Variants in DYRK1A observed in about 807,000 individuals in gnomAD.
The protein encoded by DYRK1A is dual specificity tyrosine phosphorylation regulated kinase 1A, also known as dual specificity tyrosine-phosphorylation-regulated kinase 1A.
In DYRK1A, 9 loss-of-function variants were observed where a neutral mutation model predicts 79.7. That is an observed-to-expected ratio of 0.11 (90% CI 0.07 to 0.20). DYRK1A has a LOEUF of 0.20. Ranked by LOEUF, DYRK1A falls within the 10% of genes least tolerant of loss-of-function variation. DYRK1A has a pLI of 1.00. For missense variants in DYRK1A, 622 were observed against 956.0 expected (o/e 0.65, Z 4.61); for synonymous variants, 349 against 329.7 (o/e 1.06, Z -0.63).
intron 1 of DYRK1A, among the ~76,000 whole-genome samples, chr21:37,417,529 CTTTTTTTTTTT>C (rs3216074): frequency 0.17 from 7,743 of 44,360 alleles, 517 homozygotes; most frequent in Non-Finnish European, 0.22. Flanking sequence ...TTTTCTTTTT[CTTTTTTTTTTT>C]TTTTTTTTTT....
intron 1 of DYRK1A, among the ~76,000 whole-genome samples, chr21:37,386,273 C>T (rs777815692): frequency 4.6e-5 from 7 of 152,114 alleles, no homozygotes; most frequent in Non-Finnish European, 1.0e-4. Context: ...ATGTAGTGCG[C>T]TTGAATCATC....
chr21:37,507,426 A>G (rs573570425), intron 11 of DYRK1A, among the ~76,000 whole-genome samples: 7 of 151,470 alleles, frequency 4.6e-5, no homozygotes, highest in Non-Finnish European at 7.4e-5. Flanking sequence ...TTCTTTCCCT[A>G]TACTTCTGCT....
At chr21:37,474,840 A>G (rs899970530) in intron 3 of DYRK1A, among the ~76,000 whole-genome samples, 2 of 152,194 alleles carry the variant, frequency 1.3e-5, no homozygotes, top group African/African-American at 2.4e-5. Flanking sequence ...AGTTTTCACA[A>G]TATCTTCCAT....
chr21:37,496,294 A>C, intron 9 of DYRK1A, 36 bp downstream of exon 9: 1 of 1,577,792 alleles, frequency 6.3e-7, no homozygotes, highest in Non-Finnish European at 8.6e-7. Flanking sequence ...AGCCTTTATT[A>C]AATTTCTTTA....
At chr21:37,491,461 T>G (rs185798177) in intron 7 of DYRK1A, among the ~76,000 whole-genome samples, 44 of 152,316 alleles carry the variant, frequency 2.9e-4, no homozygotes, top group Non-Finnish European at 4.1e-4. Context: ...CTGTTTCTTA[T>G]TTTTCCAAAT....
chr21:37,450,957 T>TCATTAC (rs2051427176), intron 2 of DYRK1A, among the ~76,000 whole-genome samples: 1 of 152,146 alleles, frequency 6.6e-6, no homozygotes, highest in Non-Finnish European at 1.5e-5. Flanking sequence ...CCTAAGACTG[T>TCATTAC]AATGAAGCTA....
intron 1 of DYRK1A, among the ~76,000 whole-genome samples, chr21:37,406,755 A>ATATG (rs1555956336): frequency 4.5e-5 from 2 of 44,342 alleles, no homozygotes; most frequent in Non-Finnish European, 1.2e-4. Context: ...ATCTCTATAT[A>ATATG]TCTATATATG....
rs1429918013 is a variant in DYRK1A at position 37,479,621 on chromosome 21, T to TTG, written c.301-1016_301-1015insGT. ...TTTTGTTTTTGTTTTTGTTTTTTGT[T>TTG]TTTTTTTTTTTTTTTGGAGACAGAG... is the stretch of plus-strand genomic sequence containing the variant. On this transcript the variant is annotated intron_variant, in intron 4 of 11. Coordinates refer to ENST00000647188, the MANE Select transcript of DYRK1A (RefSeq NM_001347721.2). Among the ~76,000 whole-genome samples the TTG allele has an allele frequency of 8.3e-4, 86 of 104,178 alleles. 2 individuals are homozygous for TTG. Among genetic ancestry groups the TTG allele is most frequent in the Non-Finnish European group, 1.2e-3 (65 of 56,128 alleles). 68.3% of individuals were successfully genotyped at this position (104,178 alleles called of 152,430 possible). A position where few individuals can be genotyped will look rare whatever the true frequency, so the allele number is the denominator to read the frequency against.
At chr21:37,501,491 A>C (rs895070174) in intron 9 of DYRK1A, 1 of 152,156 alleles carries the variant, frequency 6.6e-6, no homozygotes, top group Non-Finnish European at 1.5e-5. Flanking sequence ...TTTAACAGTC[A>C]TTCTGAAATG....
chr21:37,476,209 G>C (rs2052387658), intron 3 of DYRK1A, among the ~76,000 whole-genome samples: 1 of 152,120 alleles, frequency 6.6e-6, no homozygotes, highest in Non-Finnish European at 1.5e-5. Context: ...CTGGGACCTT[G>C]GTCAAGTTCT....
chr21:37,369,083 A>G (rs1400410881), intron 1 of DYRK1A, among the ~76,000 whole-genome samples: 1 of 152,280 alleles, frequency 6.6e-6, no homozygotes, highest in East Asian at 1.9e-4. Flanking sequence ...AGTATTGATG[A>G]GTCATAAGAA....
chr21:37,393,676 TAACA>T (rs759680895), intron 1 of DYRK1A, among the ~76,000 whole-genome samples: 7 of 152,240 alleles, frequency 4.6e-5, no homozygotes, highest in Non-Finnish European at 7.3e-5. Context: ...TGTTGCTGCT[TAACA>T]AACCATGGCG....
At chr21:37,470,075 C>T (rs555645603) in intron 2 of DYRK1A, among the ~76,000 whole-genome samples, 6 of 152,190 alleles carry the variant, frequency 3.9e-5, no homozygotes, top group African/African-American at 7.2e-5. Flanking sequence ...ACCTGGGAGG[C>T]GGAGCTTGCA....
At chr21:37,488,358 G>A (rs1239366969) in intron 6 of DYRK1A, 13 of 919,444 alleles carry the variant, frequency 1.4e-5, no homozygotes, top group African/African-American at 1.8e-5. Flanking sequence ...TAAGGTATCC[G>A]AAAGTCATAT....
chr21:37,445,901 T>C (rs1232346677), intron 2 of DYRK1A, among the ~76,000 whole-genome samples: 2 of 152,156 alleles, frequency 1.3e-5, no homozygotes, highest in South Asian at 2.1e-4. Context: ...CCCAGCACTT[T>C]GGGAGGTTGA....
chr21:37,452,699 C>T (rs557145947), intron 2 of DYRK1A, among the ~76,000 whole-genome samples: 5 of 150,542 alleles, frequency 3.3e-5, no homozygotes, highest in African/African-American at 1.2e-4. Flanking sequence ...CCACACTAGT[C>T]CCTCTTTTCC....
chr21:37,482,958 A>G (rs1225554041), intron 5 of DYRK1A, among the ~76,000 whole-genome samples: 2 of 152,170 alleles, frequency 1.3e-5, no homozygotes, highest in Non-Finnish European at 2.9e-5. Flanking sequence ...CATTGCTGTT[A>G]TCCTGTTCTT....
chr21:37,505,444 A>T lies in DYRK1A; in HGVS notation c.1374A>T (p.Arg458=). The change falls in exon 10 of 12, where the codon CGA becomes CGT. Residue 458 remains arginine, a synonymous_variant. Coordinates refer to ENST00000647188, the MANE Select transcript of DYRK1A (RefSeq NM_001347721.2). ...TGCTTGATTATGACCCCAAAACTCGAATTCAACCTTATTATGCTCTGCAGC... is the reference window on the plus strand; with the variant it reads ...TGCTTGATTATGACCCCAAAACTCGTATTCAACCTTATTATGCTCTGCAGC... ...LRMLDYDPKT[R]IQPYYALQHS... 3 of 1,614,210 alleles carry T rather than the reference A, an allele frequency of 1.9e-6. No homozygotes were observed. The South Asian group carries it at 3.3e-5, about 18-fold the overall frequency.
intron 2 of DYRK1A, among the ~76,000 whole-genome samples, chr21:37,431,819 C>CTG (rs2050784274): frequency 6.6e-6 from 1 of 152,146 alleles, no homozygotes; most frequent in Non-Finnish European, 1.5e-5. Context: ...ATGACACTTA[C>CTG]TGTACTATTT....
Sources: gnomAD v4.1 joint callset for allele counts (sites outside exome capture counted in the v4.1 genomes callset) on GRCh38, gnomAD v4.1.1 for gene constraint, MANE v1.5 for transcripts, NCBI Gene and HGNC (gene_info 2026-07-23, HGNC 2026-07-21) for gene names.